The following EVPL variants were observed in gnomAD, a reference collection of about 807,000 sequenced individuals.
EVPL encodes the protein 210 kDa cornified envelope precursor protein.
A neutral mutation model predicts 129.7 loss-of-function variants in EVPL; 94 were observed. The observed-to-expected ratio is 0.72, with a 90% CI of 0.61 to 0.86. The LOEUF is 0.86. Ranked by LOEUF, EVPL falls within the 40% of genes least tolerant of loss-of-function variation. The pLI is 0.00. For missense variants in EVPL, 2,625 were observed against 2,721.1 expected, an observed-to-expected ratio of 0.96 and a Z score of 0.79; for synonymous variants, 1,172 against 1,191.1, an observed-to-expected ratio of 0.98 and a Z score of 0.33.
rs149534579 is a variant in EVPL at position 76,007,720 on chromosome 17, C to T, written c.5485G>A (p.Gly1829Arg). ...TTGTCTGTGGTTGTGTCATAGATCC[C>T]GGCGATAGGGAAGCTGTCATCACCG... ...GLGDDSFPIA[G>R]IYDTTTDNKC... Residue 1829 changes from glycine (G) to arginine (R), a missense_variant, in exon 22 of 22, where the codon GGG becomes AGG. Gly to Arg is a moderately radical substitution (Grantham distance 125, BLOSUM62 -2). Transcript: ENST00000301607. The surrounding 1 kb of genome is among the most constrained non-coding windows in gnomAD (Gnocchi z 8.8). The T allele has an allele frequency of 1.2e-5, 19 of 1,612,964 alleles. No individual in the cohort carries two copies. The highest frequency in any genetic ancestry group is 5.5e-5 in the South Asian group (5 of 91,062).
chr17:76,022,740 C>G lies in EVPL; in HGVS notation c.481-202G>C, dbSNP rs557309693. On this transcript the variant is annotated intron_variant, in intron 4 of 21. Coordinates refer to ENST00000301607, the MANE Select transcript of EVPL (RefSeq NM_001988.4). This position sits in a 1 kb window ranked among gnomAD's most constrained non-coding sequence, Gnocchi z 5.6. Reference sequence around the variant, plus strand: ...CCCCTGAGTCCCACTGGTTCCCAGACGCTGGGCTCAGCCTCTAAGAAGTCT... The same window carrying G: ...CCCCTGAGTCCCACTGGTTCCCAGAGGCTGGGCTCAGCCTCTAAGAAGTCT... Among the ~76,000 whole-genome samples the G allele has an allele frequency of 4.6e-5, 7 of 152,296 alleles. No individual in the cohort carries two copies. In the East Asian group the frequency reaches 1.4e-3, roughly 29 times the overall value.
In EVPL at chr17:76,007,479, G is replaced by T; in HGVS notation, c.5726C>A (p.Pro1909His). 6.2e-7 allele frequency: 1 copy of T among 1,611,234 alleles called. No individual in the cohort carries two copies. Residue 1909 changes from proline (P) to histidine (H), a missense_variant, in exon 22 of 22, where the codon CCC (proline) becomes CAC (histidine). Pro to His is a moderately conservative substitution (Grantham distance 77, BLOSUM62 -2). Transcript: ENST00000301607. This position sits in a 1 kb window ranked among gnomAD's most constrained non-coding sequence, Gnocchi z 8.8. ...AQKAFTGIEDPVTKKRLSVGE... is the reference protein window; with the variant it reads ...AQKAFTGIEDHVTKKRLSVGE... ...CACCGAGAGCCTCTTCTTGGTGACGGGGTCCTCGATGCCGGTGAAGGCCTT... is the reference window on the plus strand; with the variant it reads ...CACCGAGAGCCTCTTCTTGGTGACGTGGTCCTCGATGCCGGTGAAGGCCTT...
intron 1 of EVPL, among the ~76,000 whole-genome samples, chr17:76,025,738 A>G (rs905551439): frequency 1.3e-5 from 2 of 152,192 alleles, no homozygotes; most frequent in African/African-American, 4.8e-5. Flanking sequence ...CCCCACTCCC[A>G]CACCAGCCTT....
chr17:76,024,055 C>T lies in EVPL; in HGVS notation c.164G>A (p.Arg55Gln), dbSNP rs200956385. ...CCTCTTCTGCGTCTCCAGGATGTCCCGCTCCACCTGGTCGGCGTTGGCTTG... is the reference window on the plus strand; with the variant it reads ...CCTCTTCTGCGTCTCCAGGATGTCCTGCTCCACCTGGTCGGCGTTGGCTTG... Reference protein sequence around the residue: ...RMQANADQVERDILETQKRLQ... With the variant: ...RMQANADQVEQDILETQKRLQ... Residue 55 changes from arginine (R) to glutamine (Q), a missense_variant, in exon 2 of 22, where the codon CGG (arginine) becomes CAG (glutamine). Transcript: ENST00000301607. This position sits in a 1 kb window ranked among gnomAD's most constrained non-coding sequence, Gnocchi z 4.5. 228 of 1,613,884 alleles carry T rather than the reference C, an allele frequency of 1.4e-4. 1 individual carries two copies. The highest frequency in any genetic ancestry group is 8.4e-4 in the African/African-American group (63 of 75,054).
intron 7 of EVPL, 21 bp downstream of exon 7, chr17:76,021,846 C>T (rs1224826850): frequency 2.6e-6 from 4 of 1,563,438 alleles, no homozygotes; most frequent in Non-Finnish European, 3.4e-6. Context: ...CCCCACCTGG[C>T]CCCGACCTCT....
Position 76,007,187 on chromosome 17 carries a change from G to A in EVPL, c.6018C>T (p.Ser2006=), listed in dbSNP as rs772938671. ...AMGRCRKDPL[S]GLLLLPAALE... ...GTGCCGCTGGCAGGAGCAGCAGGCC[G>A]CTCAGGGGGTCTTTGCGGCAGCGGC... Residue 2006 remains serine (S), a synonymous_variant, in exon 22 of 22, where the codon AGC becomes AGT. Transcript: ENST00000301607. This position sits in a 1 kb window ranked among gnomAD's most constrained non-coding sequence, Gnocchi z 8.8. The A allele has an allele frequency of 9.2e-6, 14 of 1,529,030 alleles. No homozygotes were observed. The highest frequency in any genetic ancestry group is 2.5e-5 in the South Asian group (2 of 78,988). 94.7% of individuals were successfully genotyped at this position (1,529,030 alleles called of 1,614,324 possible).
chr17:76,009,371 G>A lies in EVPL; in HGVS notation c.3834C>T (p.Asn1278=), dbSNP rs138831181. 5.4e-5 allele frequency: 87 copies of A among 1,613,746 alleles called. 1 individual carries two copies. In the South Asian group the frequency reaches 7.0e-4, roughly 13 times the overall value. ...REIDRLKAQL[N]ELVNSHGRSQ... is the part of the protein sequence containing the mutation. Reference sequence around the variant, plus strand: ...AGCGCCCGTGGCTGTTGACGAGCTCGTTGAGCTGAGCCTTCAGGCGGTCGA... The same window carrying A: ...AGCGCCCGTGGCTGTTGACGAGCTCATTGAGCTGAGCCTTCAGGCGGTCGA... The change falls in exon 22 of 22, where the codon AAC becomes AAT. Residue 1278 remains asparagine, a synonymous_variant. Transcript: ENST00000301607. The surrounding 1 kb of genome is among the most constrained non-coding windows in gnomAD (Gnocchi z 5.9).
At chr17:76,011,017 G>T (rs2066372825) in intron 21 of EVPL, among the ~76,000 whole-genome samples, 1 of 152,198 alleles carries the variant, frequency 6.6e-6, no homozygotes, top group South Asian at 2.1e-4. Context: ...AGCTGAGATT[G>T]TGCCACTGCA....
Position 76,027,278 on chromosome 17 carries a change from T to C in EVPL, c.-80A>G. ...GAGGGCAGGTGGGAGGCAGCGGGCGTCCTCACTGGCTGGTCAGCTAAGTCT... is the reference window on the plus strand; with the variant it reads ...GAGGGCAGGTGGGAGGCAGCGGGCGCCCTCACTGGCTGGTCAGCTAAGTCT... On this transcript the variant is annotated 5_prime_UTR_variant, in exon 1 of 22. Transcript: ENST00000301607. The C allele has an allele frequency of 9.8e-7, 1 of 1,017,066 alleles. No homozygotes were observed. The highest frequency in any genetic ancestry group is 1.3e-5 in the South Asian group (1 of 77,212). 63.0% of individuals were successfully genotyped at this position (1,017,066 alleles called of 1,614,324 possible). A position where few individuals can be genotyped will look rare whatever the true frequency, so the allele number is the denominator to read the frequency against.
rs923522453 is a variant in EVPL, at chr17:76,012,055, T to C, written c.2408A>G (p.Asp803Gly). 4 of 1,612,002 alleles carry C rather than the reference T, an allele frequency of 2.5e-6. No individual in the cohort carries two copies. The highest frequency in any genetic ancestry group is 3.4e-6 in the Non-Finnish European group (4 of 1,179,648). Residue 803 changes from aspartate to glycine, a missense_variant, in exon 19 of 22, where the codon GAC becomes GGC. By Grantham distance (94) the Asp-to-Gly change is moderately conservative. Coordinates refer to ENST00000301607, the MANE Select transcript of EVPL (RefSeq NM_001988.4). ...GGAGAGGTGGGATGCTGTGGCCCTG[T>C]CCCGCTCTCGGCTCTGGATCTCCTG... ...LTQEIQSRER[D>G]RATASHLSQA...
At position 76,009,557 on chromosome 17, in the gene EVPL, C is replaced by T. The variant is rs1469078796; in HGVS notation, c.3648G>A (p.Lys1216=). Reference sequence around the variant, plus strand: ...TCCTCTTGCCCGCCATCTCCTGCAGCTTGGCCTTGAGCCGAGTGATCTCCT... The same window carrying T: ...TCCTCTTGCCCGCCATCTCCTGCAGTTTGGCCTTGAGCCGAGTGATCTCCT... ...TEQEITRLKA[K]LQEMAGKRSG... is the part of the protein sequence containing the mutation. The change falls in exon 22 of 22, where the codon AAG becomes AAA. Residue 1216 remains lysine (K), a synonymous_variant. Transcript: ENST00000301607. This position sits in a 1 kb window ranked among gnomAD's most constrained non-coding sequence, Gnocchi z 5.9. 1 of 1,614,026 alleles carries T rather than the reference C, an allele frequency of 6.2e-7. No individual in the cohort carries two copies. Among genetic ancestry groups the T allele is most frequent in the African/African-American group, 1.3e-5 (1 of 74,948 alleles).
chr17:76,023,229 T>G, intron 4 of EVPL, 63 bp downstream of exon 4: 1 of 1,600,598 alleles, frequency 6.2e-7, no homozygotes, highest in Non-Finnish European at 8.5e-7. Context: ...AGTCAGGCCC[T>G]GGATTAAATG....
chr17:76,018,145 G>T lies in EVPL; in HGVS notation c.1537+16C>A. The T allele has an allele frequency of 1.9e-6, 3 of 1,550,778 alleles. No individual in the cohort carries two copies. The highest frequency in any genetic ancestry group is 2.6e-6 in the Non-Finnish European group (3 of 1,146,796). On this transcript the variant is annotated intron_variant, in intron 13 of 21. Transcript: ENST00000301607. ...TCTAGCCCCACAGCCACCTCTCCCC[G>T]GGCCACCCTGGGTACCCTGCTGGCT...
Position 76,023,411 on chromosome 17 carries a change from G to A in EVPL, c.361C>T (p.Gln121Ter). 2 of 1,613,808 alleles carry A rather than the reference G, an allele frequency of 1.2e-6. No homozygotes were observed. The highest frequency in any genetic ancestry group is 8.5e-7 in the Non-Finnish European group (1 of 1,180,004). The change falls in exon 4 of 22, where the codon CAG becomes TAG. Residue 121 changes from glutamine to a stop codon, truncating the protein, a stop_gained. Coordinates refer to ENST00000301607, the MANE Select transcript of EVPL (RefSeq NM_001988.4). LOFTEE classifies it high-confidence loss of function. Reference sequence around the variant, plus strand: ...TCCTGGGTCACCCGCTCGTGCAGCTGCTTGATGCTGTCAAGAAGGTGGCCG... The same window carrying A: ...TCCTGGGTCACCCGCTCGTGCAGCTACTTGATGCTGTCAAGAAGGTGGCCG... ...QAEEIEKDIK[Q>*]LHERVTQECA...
intron 9 of EVPL, 76 bp downstream of exon 9, chr17:76,021,392 T>G: frequency 7.3e-7 from 1 of 1,376,932 alleles, no homozygotes; most frequent in Non-Finnish European, 1.0e-6. Context: ...GCCTCTCCTG[T>G]GGGCAGGGGT....
chr17:76,022,132 C>G lies in EVPL; in HGVS notation c.645+57G>C. On this transcript the variant is annotated intron_variant, in intron 6 of 21. Coordinates refer to ENST00000301607, the MANE Select transcript of EVPL (RefSeq NM_001988.4). This position sits in a 1 kb window ranked among gnomAD's most constrained non-coding sequence, Gnocchi z 5.6. ...AGGAACACTGGCCCCGGGCAGGGTC[C>G]GGGCGGCCACCCAGGCCCACCCGCA... 2 of 1,602,272 alleles carry G rather than the reference C, an allele frequency of 1.2e-6. No individual in the cohort carries two copies. Among genetic ancestry groups the G allele is most frequent in the Non-Finnish European group, 8.5e-7 (1 of 1,175,708 alleles).
At chr17:76,015,717 C>G (rs1482703593) in intron 14 of EVPL, 89 bp from the exon 15 acceptor site, 1 of 1,372,264 alleles carries the variant, frequency 7.3e-7, no homozygotes, top group African/African-American at 1.4e-5. Context: ...CCCATGGAGG[C>G]AGTAGAGTGT....
chr17:76,008,501 C>G lies in EVPL; in HGVS notation c.4704G>C (p.Glu1568Asp), dbSNP rs572362721. 72 of 1,603,204 alleles carry G rather than the reference C, an allele frequency of 4.5e-5. No homozygotes were observed. The highest frequency in any genetic ancestry group is 5.9e-5 in the Non-Finnish European group (70 of 1,178,618). ...CCCGGGACCAGGTTCTCCCCAGCGT[C>G]TCGGCCCGGTCAATGCGCTCCCGCA... ...RRLRERIDRA[E>D]TLGRTWSREE... Residue 1568 changes from glutamate to aspartate, a missense_variant, in exon 22 of 22, where the codon GAG becomes GAC. Glu to Asp is a conservative substitution (Grantham distance 45). Coordinates refer to ENST00000301607, the MANE Select transcript of EVPL (RefSeq NM_001988.4). This position sits in a 1 kb window ranked among gnomAD's most constrained non-coding sequence, Gnocchi z 7.4.
In EVPL at chr17:76,019,072, C is replaced by T; in HGVS notation, c.1138-12G>A. 1 of 1,571,230 alleles carries T rather than the reference C, an allele frequency of 6.4e-7. No individual in the cohort carries two copies. On this transcript the variant is annotated splice_polypyrimidine_tract_variant and intron_variant, in intron 10 of 21. Coordinates refer to ENST00000301607, the MANE Select transcript of EVPL (RefSeq NM_001988.4). ...CGTTTTTCCTCTGCCTGCCGGGGGC[C>T]CAGGCAGTGGGGGACTCAGGCCAGG...
Sources: gnomAD v4.1 joint callset for allele counts (sites outside exome capture counted in the v4.1 genomes callset) on GRCh38, gnomAD v4.1.1 for gene constraint, Gnocchi (gnomAD v3.1) non-coding constraint, MANE v1.5 for transcripts, NCBI Gene and HGNC (gene_info 2026-07-23, HGNC 2026-07-21) for gene names.